The following CEP85L variants were observed in gnomAD, a reference collection of about 807,000 sequenced individuals.
CEP85L encodes the protein centrosomal protein 85L, also known as centrosomal protein of 85 kDa-like.
In CEP85L, 60 loss-of-function variants were observed where a neutral mutation model predicts 100.3. That is an observed-to-expected ratio of 0.60 (90% CI 0.49 to 0.74). CEP85L has a LOEUF of 0.74. Among genes scored for constraint, CEP85L ranks in the 30% least tolerant of loss-of-function variants. The pLI is 0.00. For missense variants in CEP85L, 973 were observed against 936.2 expected, an observed-to-expected ratio of 1.04 and a Z score of -0.51; for synonymous variants, 319 against 322.7, an observed-to-expected ratio of 0.99 and a Z score of 0.12.
At chr6:118,639,052 G>A (rs371785636) in intron 1 of CEP85L, among the ~76,000 whole-genome samples, 21 of 152,154 alleles carry the variant, frequency 1.4e-4, no homozygotes, top group African/African-American at 4.6e-4. Flanking sequence ...AATACAAATC[G>A]AGAATACAAA....
chr6:118,696,013 G>A (rs2114335866), intron 1 of CEP85L, among the ~76,000 whole-genome samples: 1 of 152,296 alleles, frequency 6.6e-6, no homozygotes, highest in East Asian at 1.9e-4. Flanking sequence ...GTTCACGCCT[G>A]TAATCCCAGC....
chr6:118,553,616 G>A (rs989049255), intron 3 of CEP85L, among the ~76,000 whole-genome samples: 3 of 152,116 alleles, frequency 2.0e-5, no homozygotes, highest in African/African-American at 4.8e-5. Context: ...TTCTAAATCT[G>A]ACAAGAAACA....
At chr6:118,486,500 C>G (rs1260345546) in intron 6 of CEP85L, among the ~76,000 whole-genome samples, 2 of 152,144 alleles carry the variant, frequency 1.3e-5, no homozygotes, top group African/African-American at 4.8e-5. Context: ...GTCATAGAAT[C>G]AGTCTTTGAT....
chr6:118,515,792 C>T (rs1214115618), intron 4 of CEP85L, among the ~76,000 whole-genome samples: 1 of 152,132 alleles, frequency 6.6e-6, no homozygotes, highest in African/African-American at 2.4e-5. Context: ...CTCTGGGGTA[C>T]ATGTGCAGAA....
rs557165241 is a variant in CEP85L at position 118,704,883 on chromosome 6, T to G, written c.-28+5153A>C. On this transcript the variant is annotated intron_variant, in intron 1 of 13. Transcript: ENST00000368488. ...CTTACCCTTCTGGCTATTTTCACCT[T>G]TCTTTCAGTGGCTTTTTTTTCCATT... Among the ~76,000 whole-genome samples, 561 of 152,310 alleles carry G rather than the reference T, an allele frequency of 3.7e-3. 3 individuals carry two copies. The highest frequency in any genetic ancestry group is 6.1e-3 in the Non-Finnish European group (415 of 68,028).
intron 3 of CEP85L, chr6:118,560,671 C>T (rs1338278876): frequency 6.0e-6 from 1 of 166,764 alleles, no homozygotes; most frequent in Admixed American, 6.5e-5. Flanking sequence ...GTCCACTCTA[C>T]TGAGCTAAAT....
intron 5 of CEP85L, among the ~76,000 whole-genome samples, chr6:118,494,468 C>T (rs911509084): frequency 6.6e-6 from 1 of 152,122 alleles, no homozygotes; most frequent in African/African-American, 2.4e-5. Flanking sequence ...AAGGGAATAA[C>T]CCAACTCCAG....
chr6:118,576,730 C>T (rs1780256918), intron 2 of CEP85L, among the ~76,000 whole-genome samples: 1 of 152,070 alleles, frequency 6.6e-6, no homozygotes, highest in African/African-American at 2.4e-5. Context: ...TAAAACCATA[C>T]CTACACTTCA....
chr6:118,503,234 A>G (rs1775421089), intron 5 of CEP85L, among the ~76,000 whole-genome samples: 1 of 152,226 alleles, frequency 6.6e-6, no homozygotes, highest in Non-Finnish European at 1.5e-5. Context: ...ATCTAACAAC[A>G]TATGTTCAAG....
At chr6:118,533,810 G>A (rs1038818284) in intron 3 of CEP85L, among the ~76,000 whole-genome samples, 1 of 152,130 alleles carries the variant, frequency 6.6e-6, no homozygotes, top group Non-Finnish European at 1.5e-5. Flanking sequence ...AAAAATCAAT[G>A]CAAGCTGGGC....
intron 3 of CEP85L, among the ~76,000 whole-genome samples, chr6:118,553,836 T>C (rs1256422265): frequency 6.6e-6 from 1 of 152,228 alleles, no homozygotes; most frequent in Non-Finnish European, 1.5e-5. Context: ...TAGTTCAGGT[T>C]AATACTGTGT....
intron 1 of CEP85L, among the ~76,000 whole-genome samples, chr6:118,661,796 T>C (rs559198976): frequency 1.3e-5 from 2 of 152,296 alleles, no homozygotes; most frequent in East Asian, 1.9e-4. Flanking sequence ...AGGAAGACAA[T>C]TGTAAGTCGG....
chr6:118,524,152 G>C (rs1451997276), intron 3 of CEP85L, among the ~76,000 whole-genome samples: 1 of 152,050 alleles, frequency 6.6e-6, no homozygotes, highest in Non-Finnish European at 1.5e-5. Context: ...GTTTATCCTG[G>C]CAAATTATAA....
chr6:118,697,029 A>T (rs1308985876), intron 1 of CEP85L, among the ~76,000 whole-genome samples: 1 of 152,176 alleles, frequency 6.6e-6, no homozygotes, highest in Non-Finnish European at 1.5e-5. Context: ...ACTCCCATTG[A>T]ACTAACCCCA....
At chr6:118,551,532 T>C (rs920261615) in intron 3 of CEP85L, among the ~76,000 whole-genome samples, 1 of 151,894 alleles carries the variant, frequency 6.6e-6, no homozygotes, top group Non-Finnish European at 1.5e-5. Flanking sequence ...TTTCAATATT[T>C]AAAAAACAAT....
intron 5 of CEP85L, chr6:118,501,738 A>T (rs776477588): frequency 2.5e-6 from 2 of 808,784 alleles, no homozygotes; most frequent in Non-Finnish European, 4.2e-6. Flanking sequence ...TTCATGGCTA[A>T]CTTGAAAAAA....
chr6:118,648,912 C>A (rs1775374990), intron 1 of CEP85L, among the ~76,000 whole-genome samples: 1 of 152,174 alleles, frequency 6.6e-6, no homozygotes, highest in Non-Finnish European at 1.5e-5. Context: ...CCTGCCTTCA[C>A]ACTTTGTTTT....
chr6:118,621,765 T>C (rs1376423014), intron 2 of CEP85L, among the ~76,000 whole-genome samples: 24 of 152,222 alleles, frequency 1.6e-4, no homozygotes, highest in Admixed American at 1.5e-3. Context: ...TACTGGCTTA[T>C]CCTCGCCCTA....
intron 1 of CEP85L, among the ~76,000 whole-genome samples, chr6:118,659,869 C>T (rs907414640): frequency 6.6e-6 from 1 of 152,230 alleles, no homozygotes; most frequent in Non-Finnish European, 1.5e-5. Context: ...GGCCTGCCGC[C>T]GTCCTAACTT....
Sources: allele counts gnomAD v4.1 joint callset (sites outside exome capture counted in the v4.1 genomes callset), GRCh38; gene constraint gnomAD v4.1.1; transcripts MANE v1.5; gene names NCBI Gene and HGNC (gene_info 2026-07-23, HGNC 2026-07-21).